TBC1D8: variants seen among roughly 807,000 people sequenced by gnomAD.
TBC1D8 encodes the protein BUB2-like protein 1.
In TBC1D8, 65 loss-of-function variants were observed where a neutral mutation model predicts 118.8. The observed-to-expected ratio is 0.55, with a 90% CI of 0.45 to 0.67. The LOEUF is 0.67. TBC1D8 is among the 30% of genes least tolerant of loss of function. The pLI is 0.00. For missense variants in TBC1D8, 1,376 were observed against 1,471.2 expected (o/e 0.94, Z 1.06); for synonymous variants, 566 against 595.8 (o/e 0.95, Z 0.73).
Position 101,038,522 on chromosome 2 carries a change from C to G in TBC1D8, c.1214G>C (p.Arg405Thr). 1 of 1,613,834 alleles carries G rather than the reference C, an allele frequency of 6.2e-7. No homozygotes were observed. The highest frequency in any genetic ancestry group is 8.5e-7 in the Non-Finnish European group (1 of 1,179,868). The change falls in exon 7 of 20, where the codon AGG becomes ACG. Residue 405 changes from arginine (R) to threonine (T), a missense_variant. By Grantham distance (71) the Arg-to-Thr change is moderately conservative. Coordinates refer to ENST00000409318, the MANE Select transcript of TBC1D8 (RefSeq NM_001330348.2). The stretch of plus-strand genomic sequence containing the variant: ...GTGGTTGGCGTGGACCTGCTTCAAC[C>G]TCGCAAGCAGCGCCTCCACCAGGCT... Reference protein sequence around the residue: ...RDSLVEALLARLKQVHANHPV... With the variant: ...RDSLVEALLATLKQVHANHPV...
At position 101,128,627 on chromosome 2, in the gene TBC1D8, A is replaced by G. The variant is rs114997545; in HGVS notation, c.127+22500T>C. Among the ~76,000 whole-genome samples, 1,224 of 152,320 alleles carry G rather than the reference A, an allele frequency of 8.0e-3. 15 individuals are homozygous for G. The highest frequency in any genetic ancestry group is 0.027 in the African/African-American group (1,123 of 41,566). On this transcript the variant is annotated intron_variant, in intron 1 of 19. Transcript: ENST00000409318. ...AAAGTGAGAGCAGGATCTCAAACAA[A>G]TATTTGTACACCTGTTTTCACGGCA...
Position 101,028,352 on chromosome 2 carries a change from TCCTGGTCGTCG to T in TBC1D8, c.2292_2302del (p.Asp765AlafsTer6). The T allele has an allele frequency of 6.2e-7, 1 of 1,612,676 alleles. No individual in the cohort carries two copies. The highest frequency in any genetic ancestry group is 8.5e-7 in the Non-Finnish European group (1 of 1,179,370). On this transcript the variant is annotated frameshift_variant, in exon 13 of 20. Coordinates refer to ENST00000409318, the MANE Select transcript of TBC1D8 (RefSeq NM_001330348.2). LOFTEE classifies it high-confidence loss of function. ...CGAAATATCAGTCACAGGGTAGGGC[TCCTGGTCGTCG>T]GAGAAAAAGGCATGGTGGCTGCCAA...
chr2:101,132,515 C>T (rs1178214703), intron 1 of TBC1D8, among the ~76,000 whole-genome samples: 1 of 152,198 alleles, frequency 6.6e-6, no homozygotes, highest in Non-Finnish European at 1.5e-5. Context: ...CTTTTCCAAA[C>T]ACAGCCTTTC....
At chr2:101,127,829 G>A (rs1008153353) in intron 1 of TBC1D8, among the ~76,000 whole-genome samples, 7 of 152,140 alleles carry the variant, frequency 4.6e-5, no homozygotes, top group East Asian at 3.8e-4. Flanking sequence ...AGTCCTGCTC[G>A]GAGCTCTTCC....
chr2:101,009,223 T>C (rs899937431), intron 19 of TBC1D8, among the ~76,000 whole-genome samples: 1 of 151,766 alleles, frequency 6.6e-6, no homozygotes, highest in Admixed American at 6.6e-5. Context: ...GCTAACATGG[T>C]GAAACCCTGT....
intron 2 of TBC1D8, among the ~76,000 whole-genome samples, chr2:101,084,550 C>CA (rs1227980783): frequency 6.6e-6 from 1 of 151,756 alleles, no homozygotes; most frequent in Admixed American, 6.6e-5. Flanking sequence ...GACTCTGTCT[C>CA]AAAAAAAAGA....
intron 2 of TBC1D8, among the ~76,000 whole-genome samples, chr2:101,073,739 G>A (rs961287016): frequency 1.3e-5 from 2 of 152,206 alleles, no homozygotes; most frequent in African/African-American, 4.8e-5. Flanking sequence ...GGAGATGGCT[G>A]CTTTCCCTAA....
At chr2:101,110,742 G>A (rs994637737) in intron 1 of TBC1D8, among the ~76,000 whole-genome samples, 5 of 152,020 alleles carry the variant, frequency 3.3e-5, no homozygotes, top group Admixed American at 6.6e-5. Context: ...TTTCGGAGGC[G>A]GGTGGATCAC....
rs376786522 is a variant in TBC1D8, at chr2:101,037,728, G to C, written c.1276-20C>G. 13 of 1,610,152 alleles carry C rather than the reference G, an allele frequency of 8.1e-6. No individual in the cohort carries two copies. Among genetic ancestry groups the C allele is most frequent in the Non-Finnish European group, 1.1e-5 (13 of 1,179,856 alleles). On this transcript the variant is annotated intron_variant, in intron 7 of 19. Coordinates refer to ENST00000409318, the MANE Select transcript of TBC1D8 (RefSeq NM_001330348.2). Reference sequence around the variant, plus strand: ...TGAAGCCTGCACAGCAAGAGAGACAGAGACAGAGAGAGAGAGGAGAGGAGA... The same window carrying C: ...TGAAGCCTGCACAGCAAGAGAGACACAGACAGAGAGAGAGAGGAGAGGAGA...
intron 1 of TBC1D8, among the ~76,000 whole-genome samples, chr2:101,141,423 C>T (rs1489861800): frequency 6.6e-6 from 1 of 152,144 alleles, no homozygotes; most frequent in East Asian, 1.9e-4. Flanking sequence ...TACAGTCTAT[C>T]ACTTTCTCTT....
rs1682933224 is a variant in TBC1D8 at position 101,064,794 on chromosome 2, T to C, written c.284-5255A>G. 4.6e-5 allele frequency among the ~76,000 whole-genome samples: 7 copies of C among 152,346 alleles called. No individual in the cohort carries two copies. In the South Asian group the frequency reaches 1.5e-3, roughly 32 times the overall value. On this transcript the variant is annotated intron_variant, in intron 2 of 19. Transcript: ENST00000409318. ...TGGTCAACAGAGGACATCTTCTGGA[T>C]GCCTGACATGTGTCAGGAATTTTGT...
intron 1 of TBC1D8, among the ~76,000 whole-genome samples, chr2:101,098,340 T>C (rs953050620): frequency 4.6e-5 from 7 of 151,780 alleles, no homozygotes; most frequent in African/African-American, 1.7e-4. Context: ...GATCACACCA[T>C]TGCTTTCCAG....
chr2:101,085,772 G>C (rs1279329203), intron 2 of TBC1D8, among the ~76,000 whole-genome samples: 2 of 152,210 alleles, frequency 1.3e-5, no homozygotes, highest in Non-Finnish European at 2.9e-5. Flanking sequence ...AATAAAACAA[G>C]CACTCACAGA....
intron 2 of TBC1D8, among the ~76,000 whole-genome samples, chr2:101,067,416 C>T (rs952612999): frequency 6.6e-6 from 1 of 152,122 alleles, no homozygotes; most frequent in African/African-American, 2.4e-5. Flanking sequence ...ACAGGCATAC[C>T]TTGGAGATAG....
rs568960885 is a variant in TBC1D8, at chr2:101,098,063, G to A, written c.128-7699C>T. On this transcript the variant is annotated intron_variant, in intron 1 of 19. Transcript: ENST00000409318. ...AATTAAATCAATTAAAACCAGAGAAGGCAGAAAAAGAAAGGTTTTAAAAAA... is the reference window on the plus strand; with the variant it reads ...AATTAAATCAATTAAAACCAGAGAAAGCAGAAAAAGAAAGGTTTTAAAAAA... Among the ~76,000 whole-genome samples the A allele has an allele frequency of 1.1e-4, 17 of 151,902 alleles. No individual in the cohort carries two copies. In the South Asian group the frequency reaches 1.5e-3, roughly 13 times the overall value.
intron 2 of TBC1D8, among the ~76,000 whole-genome samples, chr2:101,089,369 T>G (rs1440540629): frequency 6.6e-6 from 1 of 152,036 alleles, no homozygotes; most frequent in Non-Finnish European, 1.5e-5. Context: ...ATTTTTTCCT[T>G]CTTTCTTATC....
intron 1 of TBC1D8, among the ~76,000 whole-genome samples, chr2:101,103,814 A>G (rs1255270748): frequency 6.6e-6 from 1 of 152,222 alleles, no homozygotes; most frequent in Non-Finnish European, 1.5e-5. Flanking sequence ...ATGTCTTCTT[A>G]CATCACTCCT....
At chr2:101,106,493 A>T (rs527590863) in intron 1 of TBC1D8, among the ~76,000 whole-genome samples, 2 of 152,368 alleles carry the variant, frequency 1.3e-5, no homozygotes, top group South Asian at 4.1e-4. Context: ...GACAGCCCTA[A>T]GTAATTTTGG....
chr2:101,131,199 G>A (rs1474794064), intron 1 of TBC1D8, among the ~76,000 whole-genome samples: 3 of 152,170 alleles, frequency 2.0e-5, no homozygotes, highest in East Asian at 1.9e-4. Context: ...CACTGAGCCC[G>A]GCTCCCTTAC....
Sources: allele counts gnomAD v4.1 joint callset (sites outside exome capture counted in the v4.1 genomes callset), GRCh38; gene constraint gnomAD v4.1.1; transcripts MANE v1.5; gene names NCBI Gene and HGNC (gene_info 2026-07-23, HGNC 2026-07-21).